The following CTNNA3 variants were observed in gnomAD, a reference collection of about 807,000 sequenced individuals.
The protein encoded by CTNNA3 is catenin alpha 3.
A neutral mutation model predicts 95.7 loss-of-function variants in CTNNA3; 76 were observed. The ratio of observed to expected loss-of-function variants is 0.79; its 90% CI spans 0.66 to 0.96. CTNNA3 has a LOEUF of 0.96. Among genes scored for constraint, CTNNA3 ranks in the 40% least tolerant of loss-of-function variants. The pLI is 0.00. For synonymous variants in CTNNA3, 431 were observed against 374.4 expected, an observed-to-expected ratio of 1.15 and a Z score of -1.74; for missense variants, 1,191 against 1,089.8, an observed-to-expected ratio of 1.09 and a Z score of -1.31.
At chr10:66,856,465 T>G (rs930077203) in intron 7 of CTNNA3, among the ~76,000 whole-genome samples, 1 of 152,040 alleles carries the variant, frequency 6.6e-6, no homozygotes, top group Admixed American at 6.6e-5. Context: ...AATTCTGTTT[T>G]TAGTTTCTTG....
In CTNNA3 at chr10:66,424,626, T is replaced by C. The variant is rs1485589332; in HGVS notation, c.1532-45274A>G. On this transcript the variant is annotated intron_variant, in intron 11 of 17. Transcript: ENST00000433211. Reference sequence around the variant, plus strand: ...TTATTGCTGATATCTAATTTAATTGTATTGTGTTGAGATAATGTAGTTTAT... The same window carrying C: ...TTATTGCTGATATCTAATTTAATTGCATTGTGTTGAGATAATGTAGTTTAT... Among the ~76,000 whole-genome samples the C allele has an allele frequency of 2.0e-5, 3 of 152,158 alleles. No individual in the cohort carries two copies. The East Asian group carries it at 5.8e-4, about 29-fold the overall frequency.
In CTNNA3 at chr10:67,180,390, C is replaced by G. The variant is rs773609785; in HGVS notation, c.974G>C (p.Arg325Pro). ...ADSSCTRDLH[R>P]ERIIAECNAI... is the part of the protein sequence containing the mutation. The stretch of plus-strand genomic sequence containing the variant: ...GTTGCATTCTGCGATAATCCGCTCT[C>G]GGTGTAAGTCCCTCGTACATGAAGA... Residue 325 changes from arginine (R) to proline (P), a missense_variant, in exon 7 of 18, where the codon CGA (arginine) becomes CCA (proline). Arg to Pro is a moderately radical substitution (Grantham distance 103, BLOSUM62 -2). Transcript: ENST00000433211. 1 of 1,613,798 alleles carries G rather than the reference C, an allele frequency of 6.2e-7. No individual in the cohort carries two copies. The highest frequency in any genetic ancestry group is 8.5e-7 in the Non-Finnish European group (1 of 1,179,892).
At chr10:66,191,455 G>T (rs2086662374) in intron 13 of CTNNA3, among the ~76,000 whole-genome samples, 1 of 151,894 alleles carries the variant, frequency 6.6e-6, no homozygotes, top group Admixed American at 6.6e-5. Context: ...CCAATTACCA[G>T]GTTTCTTTCT....
At chr10:66,281,321 A>G (rs1783287291) in intron 12 of CTNNA3, among the ~76,000 whole-genome samples, 1 of 151,892 alleles carries the variant, frequency 6.6e-6, no homozygotes, top group Admixed American at 6.6e-5. Flanking sequence ...CGCTTCTTCA[A>G]TTTTACTTTT....
At chr10:66,498,143 A>G (rs1022862602) in intron 11 of CTNNA3, among the ~76,000 whole-genome samples, 2 of 152,064 alleles carry the variant, frequency 1.3e-5, no homozygotes, top group Non-Finnish European at 2.9e-5. Context: ...TTGAAAAGTA[A>G]ATCATATTTC....
intron 5 of CTNNA3, among the ~76,000 whole-genome samples, chr10:67,406,391 C>T (rs1371026894): frequency 6.6e-6 from 1 of 152,024 alleles, no homozygotes; most frequent in Non-Finnish European, 1.5e-5. Context: ...AAAAATACAA[C>T]ATACCAAAAT....
chr10:66,236,667 C>T (rs4237307), intron 13 of CTNNA3, among the ~76,000 whole-genome samples: 32,490 of 151,994 alleles, frequency 0.21, 3,663 homozygotes, highest in South Asian at 0.29. Context: ...GATAATTTAT[C>T]GGGTTTTCAG....
rs961408504 is a variant in CTNNA3, at chr10:66,760,088, T to C, written c.1281+6176A>G. ...CTTTTATGTATGATAATAAGTTAGGTTTAAATGCAGTTTATTTTAAATGCA... is the reference window on the plus strand; with the variant it reads ...CTTTTATGTATGATAATAAGTTAGGCTTAAATGCAGTTTATTTTAAATGCA... On this transcript the variant is annotated intron_variant, in intron 9 of 17. Transcript: ENST00000433211. Among the ~76,000 whole-genome samples the C allele has an allele frequency of 3.3e-5, 5 of 152,184 alleles. No homozygotes were observed. The East Asian group carries it at 9.6e-4, about 29-fold the overall frequency.
chr10:66,426,969 G>A (rs1234088040), intron 11 of CTNNA3, among the ~76,000 whole-genome samples: 6 of 151,606 alleles, frequency 4.0e-5, no homozygotes, highest in African/African-American at 1.5e-4. Flanking sequence ...TATCATTCAA[G>A]TAACTAATAT....
intron 5 of CTNNA3, among the ~76,000 whole-genome samples, chr10:67,488,932 C>T (rs952720457): frequency 2.6e-5 from 4 of 151,918 alleles, no homozygotes; most frequent in Non-Finnish European, 4.4e-5. Context: ...GATGTGGTTT[C>T]GCCATGTTGC....
At chr10:67,537,992 C>CT (rs1337499500) in intron 4 of CTNNA3, among the ~76,000 whole-genome samples, 1 of 150,628 alleles carries the variant, frequency 6.6e-6, no homozygotes, top group African/African-American at 2.4e-5. Flanking sequence ...TTGAATTGCT[C>CT]TTTTTACTGT....
intron 5 of CTNNA3, among the ~76,000 whole-genome samples, chr10:67,366,166 T>C (rs930017748): frequency 6.6e-6 from 1 of 151,838 alleles, no homozygotes; most frequent in Non-Finnish European, 1.5e-5. Context: ...TGAGAACACA[T>C]GGACACAAGG....
At chr10:67,008,170 T>G (rs2133023595) in intron 7 of CTNNA3, among the ~76,000 whole-genome samples, 1 of 152,216 alleles carries the variant, frequency 6.6e-6, no homozygotes, top group South Asian at 2.1e-4. Flanking sequence ...ATTGATGAGT[T>G]CAGGAAAAAC....
chr10:67,432,556 C>G (rs1227610791), intron 5 of CTNNA3, among the ~76,000 whole-genome samples: 1 of 151,934 alleles, frequency 6.6e-6, no homozygotes, highest in Non-Finnish European at 1.5e-5. Context: ...TCACTCCGGT[C>G]TTTGCTTCTG....
intron 7 of CTNNA3, among the ~76,000 whole-genome samples, chr10:67,126,908 G>C (rs1859745682): frequency 6.7e-6 from 1 of 149,270 alleles, no homozygotes; most frequent in South Asian, 2.1e-4. Context: ...ACTATGCACT[G>C]TTTGGGAGTT....
chr10:66,767,602 A>G (rs1391893271), intron 8 of CTNNA3, among the ~76,000 whole-genome samples: 1 of 152,088 alleles, frequency 6.6e-6, no homozygotes, highest in African/African-American at 2.4e-5. Flanking sequence ...CAGACAGAAA[A>G]ATGTAATTTT....
intron 5 of CTNNA3, among the ~76,000 whole-genome samples, chr10:67,388,303 G>C (rs1174382291): frequency 2.9e-5 from 4 of 137,352 alleles, no homozygotes; most frequent in South Asian, 2.7e-4. Context: ...TGGAAGAAAG[G>C]GTATCAGCAA....
In CTNNA3 at chr10:65,962,696, T is replaced by A. The variant is rs544304135; in HGVS notation, c.2400+3916A>T. 1.4e-3 allele frequency among the ~76,000 whole-genome samples: 219 copies of A among 151,946 alleles called. 1 individual carries two copies. Among genetic ancestry groups the A allele is most frequent in the Middle Eastern group, 6.8e-3 (2 of 294 alleles). ...ACATTAGGTATTCCTCCTAATGTGA[T>A]CCCTCCCCTAGCCCCCCACCCCCCG... On this transcript the variant is annotated intron_variant, in intron 17 of 17. Transcript: ENST00000433211.
chr10:67,668,298 T>C (rs1840367363), intron 1 of CTNNA3, among the ~76,000 whole-genome samples: 2 of 152,184 alleles, frequency 1.3e-5, no homozygotes, highest in Admixed American at 1.3e-4. Context: ...CTCCATACAC[T>C]ATATGCTGTA....
Sources: gnomAD v4.1 joint callset for allele counts (sites outside exome capture counted in the v4.1 genomes callset) on GRCh38, gnomAD v4.1.1 for gene constraint, MANE v1.5 for transcripts, NCBI Gene and HGNC (gene_info 2026-07-23, HGNC 2026-07-21) for gene names.